MYOC: variants seen among roughly 807,000 people sequenced by gnomAD.
MYOC encodes the protein myocilin, also known as juvenile-onset open-angle glaucoma 1.
MYOC carries 29 observed loss-of-function variants against 28.2 expected under a neutral mutation model. That is an observed-to-expected ratio of 1.03 (90% CI 0.77 to 1.40). The LOEUF (loss-of-function observed/expected upper bound fraction) is 1.40. Ranked by LOEUF, MYOC falls within the 40% of genes most tolerant of loss-of-function variation. The pLI is 0.00. For synonymous variants in MYOC, 240 were observed against 245.6 expected, an observed-to-expected ratio of 0.98 and a Z score of 0.21; for missense variants, 569 against 620.6, an observed-to-expected ratio of 0.92 and a Z score of 0.88.
At position 171,639,417 on chromosome 1, in the gene MYOC, C is replaced by T. The variant is rs181378208; in HGVS notation, c.605-695G>A. On this transcript the variant is annotated intron_variant, in intron 1 of 2. Transcript: ENST00000037502. ...AGGGCTGGTTTGTGAATAGGTGAGT[C>T]GTAATTTCAGGAATATGGAGACAGT... 6.4e-4 allele frequency among the ~76,000 whole-genome samples: 98 copies of T among 152,034 alleles called. 1 individual carries two copies. The highest frequency in any genetic ancestry group is 2.1e-3 in the East Asian group (11 of 5,178).
Position 171,652,380 on chromosome 1 carries a change from T to TCCAG in MYOC, c.231_232insCTGG (p.Ser78LeufsTer88). 6.2e-7 allele frequency: 1 copy of TCCAG among 1,613,118 alleles called. No individual in the cohort carries two copies. The highest frequency in any genetic ancestry group is 8.5e-7 in the Non-Finnish European group (1 of 1,179,076). On this transcript the variant is annotated frameshift_variant, in exon 1 of 3. Coordinates refer to ENST00000037502, the MANE Select transcript of MYOC (RefSeq NM_000261.2). LOFTEE classifies it high-confidence loss of function. The stretch of plus-strand genomic sequence containing the variant: ...TCCAGGTCTAAGCGTTGGGTGCTGC[T>TCCAG]GTCTCTCTGTAAGTTATGGATGACT...
chr1:171,650,379 TG>T (rs1653327201), intron 1 of MYOC, among the ~76,000 whole-genome samples: 1 of 152,208 alleles, frequency 6.6e-6, no homozygotes, highest in Non-Finnish European at 1.5e-5. Flanking sequence ...TGGGCAACCT[TG>T]GCCCCTTAGC....
rs771057339 is a variant in MYOC, at chr1:171,636,350, C to T, written c.1090G>A (p.Gly364Ser). ...VKAEKEIPGA[G>S]YHGQFPYSWG... is the part of the protein sequence containing the mutation. ...GAATACGGGAACTGTCCGTGGTAGC[C>T]AGCTCCAGGGATTTCCTTCTCAGCC... Residue 364 changes from glycine (G) to serine (S), a missense_variant, in exon 3 of 3, where the codon GGC becomes AGC. By Grantham distance (56) the Gly-to-Ser change is moderately conservative. Coordinates refer to ENST00000037502, the MANE Select transcript of MYOC (RefSeq NM_000261.2). 1.9e-6 allele frequency: 3 copies of T among 1,613,898 alleles called. No individual in the cohort carries two copies. The highest frequency in any genetic ancestry group is 3.3e-5 in the Admixed American group (2 of 59,986).
rs571782915 is a variant in MYOC at position 171,638,911 on chromosome 1, T to G, written c.605-189A>C. 161 of 524,610 alleles carry G rather than the reference T, an allele frequency of 3.1e-4. 1 individual carries two copies. Among genetic ancestry groups the G allele is most frequent in the Middle Eastern group, 1.7e-3 (3 of 1,818 alleles). The allele number at this position is 524,610 out of a possible 1,614,324, so 32.5% of individuals were successfully genotyped here. Reference sequence around the variant, plus strand: ...GAGTTCGAGACCAGCCTGGCCAACATGGTGAAACCCTGTCTTTGCTAAAAA... The same window carrying G: ...GAGTTCGAGACCAGCCTGGCCAACAGGGTGAAACCCTGTCTTTGCTAAAAA... On this transcript the variant is annotated intron_variant, in intron 1 of 2. Coordinates refer to ENST00000037502, the MANE Select transcript of MYOC (RefSeq NM_000261.2).
At chr1:171,648,631 T>TATTATATATAATAAATTTATATATATA (rs1558089384) in intron 1 of MYOC, among the ~76,000 whole-genome samples, 3 of 146,752 alleles carry the variant, frequency 2.0e-5, no homozygotes, top group Non-Finnish European at 3.0e-5. Flanking sequence ...ATATGTATTT[T>TATTATATATAATAAATTTATATATATA]ATTATATATA....
At chr1:171,638,758 G>GA (rs756090506) in intron 1 of MYOC, 36 bp from the exon 2 acceptor site, 2 of 1,611,678 alleles carry the variant, frequency 1.2e-6, no homozygotes, top group African/African-American at 1.3e-5. Context: ...TTTACTGTAA[G>GA]AAAAAATGGC....
rs1244279144 is a variant in MYOC at position 171,652,174 on chromosome 1, G to A, written c.438C>T (p.Leu146=). ...RELETAYSNL[L]RDKSVLEEEK... is the part of the protein sequence containing the mutation. ...CTTCCTCCAGAACTGACTTGTCTCG[G>A]AGGAGGTTGCTGTAGGCAGTCTCCA... Residue 146 remains leucine (L), a synonymous_variant, in exon 1 of 3, where the codon CTC becomes CTT. Transcript: ENST00000037502. 3 of 1,614,050 alleles carry A rather than the reference G, an allele frequency of 1.9e-6. No individual in the cohort carries two copies. In the African/African-American group the frequency reaches 4.0e-5, roughly 22 times the overall value.
chr1:171,652,397 T>A lies in MYOC; in HGVS notation c.215A>T (p.His72Leu). Residue 72 changes from histidine (H) to leucine (L), a missense_variant, in exon 1 of 3, where the codon CAT becomes CTT. Transcript: ENST00000037502. ...PEQSQAMSVI[H>L]NLQRDSSTQR... is the part of the protein sequence containing the mutation. Reference sequence around the variant, plus strand: ...GGTGCTGCTGTCTCTCTGTAAGTTATGGATGACTGACATGGCCTGGCTCTG... The same window carrying A: ...GGTGCTGCTGTCTCTCTGTAAGTTAAGGATGACTGACATGGCCTGGCTCTG... 6.2e-7 allele frequency: 1 copy of A among 1,613,968 alleles called. No individual in the cohort carries two copies. Among genetic ancestry groups the A allele is most frequent in the Non-Finnish European group, 8.5e-7 (1 of 1,179,812 alleles).
intron 1 of MYOC, among the ~76,000 whole-genome samples, chr1:171,645,010 A>G (rs111569622): frequency 0.017 from 2,628 of 152,264 alleles, 35 homozygotes; most frequent in Admixed American, 0.028. Context: ...TTATAAACGC[A>G]TTGCCTCTCA....
At position 171,652,430 on chromosome 1, in the gene MYOC, C is replaced by T; in HGVS notation, c.182G>A (p.Cys61Tyr). The stretch of plus-strand genomic sequence containing the variant: ...TGACATGGCCTGGCTCTGCTCTGGG[C>T]AGCTGGATTCATTGGGACTGGCCAC... ...FSVASPNESS[C>Y]PEQSQAMSVI... is the part of the protein sequence containing the mutation. The change falls in exon 1 of 3, where the codon TGC becomes TAC. Residue 61 changes from cysteine (C) to tyrosine (Y), a missense_variant. Coordinates refer to ENST00000037502, the MANE Select transcript of MYOC (RefSeq NM_000261.2). 6.2e-7 allele frequency: 1 copy of T among 1,614,206 alleles called. No individual in the cohort carries two copies.
rs974695729 is a variant in MYOC at position 171,652,075 on chromosome 1, C to T, written c.537G>A (p.Arg179=). Residue 179 remains arginine (R), a synonymous_variant, in exon 1 of 3, where the codon AGG becomes AGA. Coordinates refer to ENST00000037502, the MANE Select transcript of MYOC (RefSeq NM_000261.2). ...TCTGGGGACACTGGCCCCTTCTCAG[C>T]CTTGCTACCTCCTGGCTGCTGCTTT... ...RLESSSQEVA[R]LRRGQCPQTR... is the part of the protein sequence containing the mutation. 1 of 1,614,208 alleles carries T rather than the reference C, an allele frequency of 6.2e-7. No homozygotes were observed. Among genetic ancestry groups the T allele is most frequent in the Non-Finnish European group, 8.5e-7 (1 of 1,180,040 alleles).
At chr1:171,640,868 T>G (rs1172167020) in intron 1 of MYOC, among the ~76,000 whole-genome samples, 2 of 152,128 alleles carry the variant, frequency 1.3e-5, no homozygotes, top group Non-Finnish European at 2.9e-5. Flanking sequence ...AGCAAAATTA[T>G]GGAGACAGTA....
At chr1:171,636,955 G>A (rs1314197234) in intron 2 of MYOC, among the ~76,000 whole-genome samples, 2 of 152,182 alleles carry the variant, frequency 1.3e-5, no homozygotes, top group African/African-American at 4.8e-5. Flanking sequence ...TAGTAGGGCT[G>A]TTGTAAATTT....
intron 2 of MYOC, 56 bp downstream of exon 2, chr1:171,638,541 A>C: frequency 6.2e-7 from 1 of 1,604,712 alleles, no homozygotes; most frequent in Non-Finnish European, 8.5e-7. Flanking sequence ...TGAACACAGC[A>C]CTAGACATGA....
At chr1:171,637,408 C>T (rs1652950629) in intron 2 of MYOC, among the ~76,000 whole-genome samples, 1 of 152,096 alleles carries the variant, frequency 6.6e-6, no homozygotes. Context: ...GCACTGTTAC[C>T]TAGGCTGGAG....
chr1:171,641,525 T>G (rs1653076319), intron 1 of MYOC, among the ~76,000 whole-genome samples: 1 of 151,934 alleles, frequency 6.6e-6, no homozygotes, highest in East Asian at 1.9e-4. Context: ...CAGATGGAGG[T>G]GGTCACAGGG....
rs1216698710 is a variant in MYOC at position 171,652,079 on chromosome 1, G to A, written c.533C>T (p.Ala178Val). The A allele has an allele frequency of 1.2e-6, 2 of 1,614,170 alleles. No individual in the cohort carries two copies. Among genetic ancestry groups the A allele is most frequent in the South Asian group, 2.2e-5 (2 of 91,086 alleles). The change falls in exon 1 of 3, where the codon GCA (alanine) becomes GTA (valine). Residue 178 changes from alanine to valine, a missense_variant. Transcript: ENST00000037502. The part of the protein sequence containing the change: ...RRLESSSQEV[A>V]RLRRGQCPQT... ...GGGACACTGGCCCCTTCTCAGCCTT[G>A]CTACCTCCTGGCTGCTGCTTTCCAA...
At chr1:171,641,077 G>T (rs904454919) in intron 1 of MYOC, among the ~76,000 whole-genome samples, 3 of 152,168 alleles carry the variant, frequency 2.0e-5, no homozygotes, top group Non-Finnish European at 2.9e-5. Context: ...GCTGATGCAG[G>T]TTCATCAGTT....
In MYOC at chr1:171,635,799, T is replaced by C; in HGVS notation, c.*126A>G. 9.8e-6 allele frequency: 9 copies of C among 917,284 alleles called. No individual in the cohort carries two copies. In the South Asian group the frequency reaches 1.3e-4, roughly 13 times the overall value. The allele number at this position is 917,284 out of a possible 1,614,324, so 56.8% of individuals were successfully genotyped here. On this transcript the variant is annotated 3_prime_UTR_variant, in exon 3 of 3. Coordinates refer to ENST00000037502, the MANE Select transcript of MYOC (RefSeq NM_000261.2). The stretch of plus-strand genomic sequence containing the variant: ...TGGTGACCATGTTCATCCTTCTGGA[T>C]TAATGAAAACTTGGAAAGCAGTCAA...
Sources: gnomAD v4.1 joint callset for allele counts (sites outside exome capture counted in the v4.1 genomes callset) on GRCh38, gnomAD v4.1.1 for gene constraint, MANE v1.5 for transcripts, NCBI Gene and HGNC (gene_info 2026-07-23, HGNC 2026-07-21) for gene names.